Variants in RNF13 observed in about 807,000 individuals in gnomAD.
RNF13 encodes the protein E3 ubiquitin-protein ligase RNF13.
A neutral mutation model predicts 37.7 loss-of-function variants in RNF13; 19 were observed. The observed-to-expected ratio is 0.50, with a 90% CI of 0.35 to 0.74. The LOEUF is 0.74. Among genes scored for constraint, RNF13 ranks in the 30% least tolerant of loss-of-function variants. The pLI is 0.01. For missense variants in RNF13, 375 were observed against 453.0 expected (o/e 0.83, Z 1.56); for synonymous variants, 144 against 157.8 (o/e 0.91, Z 0.65).
rs62268826 is a variant in RNF13, at chr3:149,961,653, G to C, written c.*549G>C. The C allele has an allele frequency of 1.0e-5, 2 of 198,674 alleles. No individual in the cohort carries two copies. The highest frequency in any genetic ancestry group is 2.0e-5 in the Non-Finnish European group (2 of 98,890). The allele number at this position is 198,674 out of a possible 1,614,324, so 12.3% of individuals were successfully genotyped here. On this transcript the variant is annotated 3_prime_UTR_variant, in exon 10 of 10. Coordinates refer to ENST00000392894, the MANE Select transcript of RNF13 (RefSeq NM_183381.3). ...GTTCCAAAGCAGTCTTATCCTGACA[G>C]GAGCGGTCTATACTAGTGCAGATTT...
chr3:149,935,637 CAAAG>C (rs1209445397), intron 8 of RNF13, among the ~76,000 whole-genome samples: 2 of 152,142 alleles, frequency 1.3e-5, no homozygotes, highest in Non-Finnish European at 2.9e-5. Context: ...ATGTTGATCA[CAAAG>C]AAAACGACAA....
intron 3 of RNF13, among the ~76,000 whole-genome samples, chr3:149,869,088 G>C (rs925496482): frequency 6.6e-6 from 1 of 151,224 alleles, no homozygotes; most frequent in African/African-American, 2.4e-5. Flanking sequence ...TCTTTGACTT[G>C]GCTGATTCTT....
At position 149,860,256 on chromosome 3, in the gene RNF13, T is replaced by TAAAA. The variant is rs764889596; in HGVS notation, c.195+7672_195+7675dup. Among the ~76,000 whole-genome samples, 65 of 57,800 alleles carry TAAAA rather than the reference T, an allele frequency of 1.1e-3. 1 individual carries two copies. Among genetic ancestry groups the TAAAA allele is most frequent in the African/African-American group, 4.2e-3 (63 of 15,052 alleles). 37.9% of individuals were successfully genotyped at this position (57,800 alleles called of 152,430 possible). A position where few individuals can be genotyped will look rare whatever the true frequency, so the allele number is the denominator to read the frequency against. On this transcript the variant is annotated intron_variant, in intron 3 of 9. Transcript: ENST00000392894. ...CTGGGCAACAGAGAGAGACTCCATC[T>TAAAA]AAAAAAAAAAAAAAATATATATATA...
chr3:149,942,961 T>C (rs887880196), intron 8 of RNF13, among the ~76,000 whole-genome samples: 3 of 152,194 alleles, frequency 2.0e-5, no homozygotes, highest in Admixed American at 2.0e-4. Context: ...TTGTCCTTCA[T>C]CTTGTTAATG....
intron 1 of RNF13, among the ~76,000 whole-genome samples, chr3:149,832,333 C>T (rs1199945550): frequency 1.3e-5 from 2 of 152,156 alleles, no homozygotes; most frequent in African/African-American, 4.8e-5. Context: ...GTTGGTATCA[C>T]ACTGTTGACT....
chr3:149,945,819 A>G (rs926171600), intron 8 of RNF13, among the ~76,000 whole-genome samples: 3 of 152,216 alleles, frequency 2.0e-5, no homozygotes, highest in Non-Finnish European at 4.4e-5. Flanking sequence ...TGTGGAGTGG[A>G]CCTCCAGCAA....
intron 5 of RNF13, among the ~76,000 whole-genome samples, chr3:149,897,390 A>G (rs1289671358): frequency 6.6e-6 from 1 of 152,192 alleles, no homozygotes; most frequent in Non-Finnish European, 1.5e-5. Flanking sequence ...TTCAGTAAAA[A>G]TTTTGCAGGC....
At chr3:149,958,242 C>G (rs927093943) in intron 8 of RNF13, among the ~76,000 whole-genome samples, 84 of 152,210 alleles carry the variant, frequency 5.5e-4, no homozygotes, top group Non-Finnish European at 8.8e-5. Flanking sequence ...ACAGGTCTCA[C>G]AGGGCCAAAA....
At chr3:149,849,781 G>A (rs1722965228) in intron 2 of RNF13, among the ~76,000 whole-genome samples, 1 of 152,142 alleles carries the variant, frequency 6.6e-6, no homozygotes, top group Admixed American at 6.5e-5. Flanking sequence ...AAAGTGCTTA[G>A]CATGATGTCT....
intron 8 of RNF13, among the ~76,000 whole-genome samples, chr3:149,958,756 T>C (rs1192395039): frequency 6.6e-6 from 1 of 152,224 alleles, no homozygotes; most frequent in Non-Finnish European, 1.5e-5. Context: ...TCAGAGGTCC[T>C]TTAGTCTTCT....
At chr3:149,871,035 A>ATTT (rs144707628) in intron 3 of RNF13, among the ~76,000 whole-genome samples, 10 of 121,300 alleles carry the variant, frequency 8.2e-5, no homozygotes, top group East Asian at 2.3e-4. Flanking sequence ...CTGTTACCAG[A>ATTT]TTTTTTTTTT....
intron 4 of RNF13, among the ~76,000 whole-genome samples, chr3:149,885,609 C>T (rs1713936029): frequency 6.6e-6 from 1 of 152,088 alleles, no homozygotes; most frequent in Non-Finnish European, 1.5e-5. Context: ...ATTGTTTGAA[C>T]TCCTTATATA....
intron 8 of RNF13, among the ~76,000 whole-genome samples, chr3:149,942,306 A>C (rs1559966596): frequency 6.6e-6 from 1 of 152,168 alleles, no homozygotes; most frequent in Non-Finnish European, 1.5e-5. Context: ...ACAGTTTGAC[A>C]ATGTTAAGTC....
intron 1 of RNF13, among the ~76,000 whole-genome samples, chr3:149,833,196 T>A (rs957011663): frequency 6.9e-6 from 1 of 144,072 alleles, no homozygotes; most frequent in Non-Finnish European, 1.5e-5. Context: ...CTTGGCTCAC[T>A]GCAACCTCTG....
At chr3:149,909,160 A>G (rs1014032777) in intron 6 of RNF13, among the ~76,000 whole-genome samples, 9 of 152,172 alleles carry the variant, frequency 5.9e-5, no homozygotes, top group African/African-American at 2.2e-4. Flanking sequence ...ATTCCATTGT[A>G]GTTCTGTTGT....
intron 3 of RNF13, among the ~76,000 whole-genome samples, chr3:149,860,606 T>C (rs984219848): frequency 6.6e-6 from 1 of 152,028 alleles, no homozygotes; most frequent in Admixed American, 6.6e-5. Flanking sequence ...TCTGACCATA[T>C]ACAAAAATCA....
chr3:149,864,748 T>A (rs1191299912), intron 3 of RNF13, among the ~76,000 whole-genome samples: 1 of 152,214 alleles, frequency 6.6e-6, no homozygotes, highest in Non-Finnish European at 1.5e-5. Flanking sequence ...GCTATTGTTA[T>A]TGAGAACTAA....
chr3:149,836,971 C>T (rs1324374362), intron 1 of RNF13, among the ~76,000 whole-genome samples: 1 of 152,140 alleles, frequency 6.6e-6, no homozygotes, highest in Non-Finnish European at 1.5e-5. Flanking sequence ...TAAAATTGTG[C>T]TTGCCAATGG....
intron 1 of RNF13, among the ~76,000 whole-genome samples, chr3:149,821,521 G>A (rs1719995437): frequency 6.6e-6 from 1 of 151,872 alleles, no homozygotes; most frequent in Non-Finnish European, 1.5e-5. Flanking sequence ...CATTGTTGGT[G>A]TTTTTGTATT....
Sources: allele counts gnomAD v4.1 joint callset (sites outside exome capture counted in the v4.1 genomes callset), GRCh38; gene constraint gnomAD v4.1.1; transcripts MANE v1.5; gene names NCBI Gene and HGNC (gene_info 2026-07-23, HGNC 2026-07-21).